Variants in RAB38 observed in about 807,000 individuals in gnomAD.
RAB38 encodes RAB38, member RAS oncogene family.
In RAB38, 15 loss-of-function variants were observed where a neutral mutation model predicts 18.4. That is an observed-to-expected ratio of 0.82 (90% confidence interval 0.55 to 1.26). The LOEUF (loss-of-function observed/expected upper bound fraction) is 1.26. RAB38 is among the 50% of genes most tolerant of loss of function. RAB38 has a pLI of 0.00. For synonymous variants in RAB38, 101 were observed against 104.4 expected (o/e 0.97, Z 0.20); for missense variants, 294 against 267.4 (o/e 1.10, Z -0.69).
the RAB38 span, chr11:88,098,023 G>C: frequency 1.3e-5 from 2 of 151,916 alleles, no homozygotes; most frequent in East Asian, 3.9e-4. Context: ...ATTTATCAAG[G>C]GGAATGGTTA....
At chr11:87,921,544 T>G in the RAB38 span, among the ~76,000 whole-genome samples, 2 of 148,568 alleles carry the variant, frequency 1.3e-5, no homozygotes, top group African/African-American at 4.9e-5. Context: ...TAAATCTCTC[T>G]CTATATATAA....
chr11:88,074,554 T>G, the RAB38 span, among the ~76,000 whole-genome samples: 2 of 152,084 alleles, frequency 1.3e-5, no homozygotes, highest in Non-Finnish European at 2.9e-5. Context: ...CTATAATAGA[T>G]TTATTAAAAA....
the RAB38 span, among the ~76,000 whole-genome samples, chr11:88,020,111 T>A: frequency 1.3e-5 from 2 of 152,174 alleles, no homozygotes; most frequent in African/African-American, 4.8e-5. Flanking sequence ...CTGAAGATAT[T>A]GACAAGTAAC....
the RAB38 span, among the ~76,000 whole-genome samples, chr11:87,807,952 T>C: frequency 6.6e-6 from 1 of 152,166 alleles, no homozygotes; most frequent in African/African-American, 2.4e-5. Context: ...TATCTATCTA[T>C]CTCCCTCTGG....
the RAB38 span, among the ~76,000 whole-genome samples, chr11:87,918,596 A>C: frequency 6.6e-6 from 1 of 151,966 alleles, no homozygotes; most frequent in African/African-American, 2.4e-5. Flanking sequence ...GATGAATTTC[A>C]CTGTGGTTTT....
the RAB38 span, among the ~76,000 whole-genome samples, chr11:88,029,105 C>G: frequency 6.6e-6 from 1 of 151,734 alleles, no homozygotes; most frequent in East Asian, 1.9e-4. Context: ...ATTTTCAACC[C>G]AGAATTTCAT....
the RAB38 span, among the ~76,000 whole-genome samples, chr11:87,917,303 G>A: frequency 6.6e-6 from 1 of 152,102 alleles, no homozygotes; most frequent in African/African-American, 2.4e-5. Context: ...ATCAGGAAAT[G>A]GTGGTATAAG....
At chr11:88,045,506 A>C in the RAB38 span, among the ~76,000 whole-genome samples, 1 of 152,226 alleles carries the variant, frequency 6.6e-6, no homozygotes, top group Non-Finnish European at 1.5e-5. Context: ...GAATGCCCGC[A>C]GCCCGGGATT....
At chr11:88,026,166 T>C in the RAB38 span, among the ~76,000 whole-genome samples, 1 of 152,024 alleles carries the variant, frequency 6.6e-6, no homozygotes, top group Non-Finnish European at 1.5e-5. Flanking sequence ...GGTTTCACCA[T>C]GTTGGTCAGA....
the RAB38 span, chr11:87,817,272 G>A: frequency 6.6e-6 from 1 of 151,924 alleles, no homozygotes; most frequent in Non-Finnish European, 1.5e-5. Flanking sequence ...GACTCCTGAA[G>A]GATTTAAACA....
At chr11:88,087,242 G>T in the RAB38 span, among the ~76,000 whole-genome samples, 9 of 151,424 alleles carry the variant, frequency 5.9e-5, no homozygotes, top group African/African-American at 1.7e-4. Context: ...CAGAACAAGG[G>T]CTACTCAGGG....
At chr11:87,903,288 A>G in the RAB38 span, among the ~76,000 whole-genome samples, 4 of 151,518 alleles carry the variant, frequency 2.6e-5, no homozygotes, top group African/African-American at 7.3e-5. Context: ...ATAAATAAAT[A>G]CAAATTTTTT....
the RAB38 span, among the ~76,000 whole-genome samples, chr11:88,075,504 A>G: frequency 6.6e-6 from 1 of 152,234 alleles, no homozygotes. Flanking sequence ...AAATGGAAAT[A>G]CAACGTACCA....
the RAB38 span, among the ~76,000 whole-genome samples, chr11:87,869,504 G>A: frequency 6.6e-6 from 1 of 151,568 alleles, no homozygotes; most frequent in South Asian, 2.1e-4. Context: ...ATTAACACAA[G>A]TATCAAATCA....
At chr11:88,087,212 CCTCACCTGCTA>C in the RAB38 span, among the ~76,000 whole-genome samples, 1 of 151,912 alleles carries the variant, frequency 6.6e-6, no homozygotes, top group Non-Finnish European at 1.5e-5. Flanking sequence ...TGAGCAGAGA[CCTCACCTGCTA>C]CTTAGTCCCA....
the RAB38 span, among the ~76,000 whole-genome samples, chr11:88,072,161 A>C: frequency 6.6e-6 from 1 of 152,214 alleles, no homozygotes; most frequent in Non-Finnish European, 1.5e-5. Flanking sequence ...TGACTTCAAA[A>C]TAATATGTTA....
chr11:87,836,403 A>G, the RAB38 span, among the ~76,000 whole-genome samples: 18 of 151,954 alleles, frequency 1.2e-4, no homozygotes, highest in Admixed American at 9.8e-4. Context: ...TTTTTTAATA[A>G]TTTCTGATTC....
chr11:87,952,036 T>C, the RAB38 span, among the ~76,000 whole-genome samples: 1 of 152,094 alleles, frequency 6.6e-6, no homozygotes, highest in African/African-American at 2.4e-5. Context: ...GGCCTGGAGC[T>C]GAGTCAATTT....
the RAB38 span, among the ~76,000 whole-genome samples, chr11:87,820,328 A>G: frequency 3.3e-5 from 5 of 152,204 alleles, no homozygotes; most frequent in Non-Finnish European, 1.5e-5. Context: ...TCTTCAATAT[A>G]AGGATGAGCC....
Sources: allele counts gnomAD v4.1 joint callset (sites outside exome capture counted in the v4.1 genomes callset), GRCh38; gene constraint gnomAD v4.1.1; transcripts MANE v1.5; gene names NCBI Gene and HGNC (gene_info 2026-07-23, HGNC 2026-07-21).